BCAR1: variants seen among roughly 807,000 people sequenced by gnomAD.
BCAR1 encodes breast cancer anti-estrogen resistance protein 1.
BCAR1 carries 30 observed loss-of-function variants against 67.6 expected under a neutral mutation model. That is an observed-to-expected ratio of 0.44 (90% CI 0.33 to 0.60). BCAR1 has a LOEUF of 0.60. Among genes scored for constraint, BCAR1 ranks in the 20% least tolerant of loss-of-function variants. BCAR1 has a pLI of 0.02. For missense variants in BCAR1, 1,313 were observed against 1,222.3 expected (o/e 1.07, Z -1.11); for synonymous variants, 626 against 556.7 (o/e 1.12, Z -1.75).
upstream of BCAR1, among the ~76,000 whole-genome samples, chr16:75,252,694 C>G (rs1376455009): frequency 6.6e-6 from 1 of 152,188 alleles, no homozygotes; most frequent in African/African-American, 2.4e-5. Flanking sequence ...CGGGGTAGAC[C>G]CGGCTTCACG....
chr16:75,250,706 G>T (rs72802394), intron 1 of BCAR1: 5 of 985,238 alleles, frequency 5.1e-6, no homozygotes, highest in Non-Finnish European at 6.0e-6. Flanking sequence ...CCTCGAGAGG[G>T]AGCTCCGACC....
At chr16:75,262,445 G>A (rs1258403336) in intron 1 of BCAR1, among the ~76,000 whole-genome samples, 2 of 152,228 alleles carry the variant, frequency 1.3e-5, no homozygotes, top group Non-Finnish European at 2.9e-5. Flanking sequence ...AGCTTGAGGT[G>A]AATGGGAATG....
At chr16:75,254,932 T>G (rs760733884), upstream of BCAR1, among the ~76,000 whole-genome samples, 1 of 152,182 alleles carries the variant, frequency 6.6e-6, no homozygotes, top group African/African-American at 2.4e-5. Flanking sequence ...TTCCTGCTCT[T>G]TGGGCTTTCT....
intron 1 of BCAR1, chr16:75,263,521 G>T: frequency 1.0e-5 from 10 of 985,426 alleles, no homozygotes; most frequent in Non-Finnish European, 1.2e-5. Context: ...TCCCCTCTCT[G>T]GGTCCGGGAC....
intron 3 of BCAR1, 39 bp downstream of exon 3, chr16:75,237,144 G>A (rs2077169767): frequency 3.4e-6 from 5 of 1,491,386 alleles, no homozygotes; most frequent in Non-Finnish European, 4.5e-6. Context: ...GCACAGACTT[G>A]CCGCCCTGCC....
chr16:75,248,385 C>T, intron 1 of BCAR1: 1 of 1,231,286 alleles, frequency 8.1e-7, no homozygotes. Context: ...CTGGGGCATT[C>T]TATTTGCTTG....
intron 1 of BCAR1, chr16:75,263,272 A>G: frequency 1.0e-6 from 1 of 985,410 alleles, no homozygotes; most frequent in Non-Finnish European, 1.2e-6. Flanking sequence ...GGTGGCCAGC[A>G]CCTGCCACCC....
chr16:75,233,020 C>A (rs117627605), intron 6 of BCAR1, among the ~76,000 whole-genome samples: 4,128 of 151,640 alleles, frequency 0.027, 95 homozygotes, highest in Middle Eastern at 0.11. Context: ...CCCTGAAGAA[C>A]TGATTCAAAA....
At chr16:75,238,354 T>C (rs1258100602) in intron 2 of BCAR1, 18 of 1,104,724 alleles carry the variant, frequency 1.6e-5, no homozygotes, top group Non-Finnish European at 1.9e-5. Context: ...CTGAAAGACC[T>C]TTTGTTCCTT....
intron 2 of BCAR1, 73 bp from the exon 3 acceptor site, chr16:75,237,417 C>T: frequency 1.4e-6 from 2 of 1,393,624 alleles, no homozygotes; most frequent in South Asian, 3.4e-5. Flanking sequence ...CACCTGGGAG[C>T]CACGTCCTTT....
At chr16:75,265,935 G>A in intron 1 of BCAR1, 1 of 1,094,436 alleles carries the variant, frequency 9.1e-7, no homozygotes, top group South Asian at 4.4e-5. Flanking sequence ...GGGTCCCGGC[G>A]CTTTCCGGCT....
At chr16:75,264,752 T>A in intron 1 of BCAR1, 1 of 863,012 alleles carries the variant, frequency 1.2e-6, no homozygotes, top group Non-Finnish European at 1.5e-6. Flanking sequence ...AAGCCCCCAC[T>A]GCCTGCTTCA....
At chr16:75,267,061 A>G (rs551970202) in intron 1 of BCAR1, among the ~76,000 whole-genome samples, 1 of 152,312 alleles carries the variant, frequency 6.6e-6, no homozygotes, top group East Asian at 1.9e-4. Context: ...CCAGCTCCCA[A>G]AAGCCCCCAG....
intron 1 of BCAR1, chr16:75,263,904 G>A (rs2077954543): frequency 9.5e-7 from 1 of 1,054,954 alleles, no homozygotes. Flanking sequence ...TTCTCCTCTT[G>A]GCCCCACCAC....
intron 2 of BCAR1, among the ~76,000 whole-genome samples, chr16:75,240,491 G>C (rs1402406310): frequency 2.0e-5 from 3 of 152,226 alleles, no homozygotes; most frequent in African/African-American, 7.2e-5. Context: ...AAATGCTTTT[G>C]ATATCTAATG....
At chr16:75,245,500 G>A (rs971832996) in intron 1 of BCAR1, among the ~76,000 whole-genome samples, 15 of 152,360 alleles carry the variant, frequency 9.8e-5, no homozygotes, top group Admixed American at 9.1e-4. Flanking sequence ...GGGAGGCCGG[G>A]GGCTCTGTGG....
chr16:75,266,407 GC>G (rs919559671), intron 1 of BCAR1: 7 of 225,148 alleles, frequency 3.1e-5, no homozygotes, highest in Middle Eastern at 1.4e-3. Context: ...TCCTGGGGTC[GC>G]CCTGACAGTG....
At chr16:75,232,422 T>C (rs991578816) in intron 6 of BCAR1, among the ~76,000 whole-genome samples, 3 of 152,094 alleles carry the variant, frequency 2.0e-5, no homozygotes, top group Admixed American at 1.3e-4. Flanking sequence ...GGCCTCCCAA[T>C]GTGCTGGGAT....
At position 75,235,618 on chromosome 16, in the gene BCAR1, C is replaced by G; in HGVS notation, c.1281G>C (p.Leu427=). ...EREAPAEGKR[L]SASSTGSTRS... ...GTGTGCTGCCGGTGCTGGAGGCCGA[C>G]AGGCGCTTGCCCTCTGCCGGGGCTT... The change falls in exon 5 of 7, where the codon CTG becomes CTC. Residue 427 remains leucine, a synonymous_variant. Transcript: ENST00000162330. 1 of 1,601,094 alleles carries G rather than the reference C, an allele frequency of 6.2e-7. No homozygotes were observed. Among genetic ancestry groups the G allele is most frequent in the Non-Finnish European group, 8.5e-7 (1 of 1,172,724 alleles).
Sources: gnomAD v4.1 joint callset for allele counts (sites outside exome capture counted in the v4.1 genomes callset) on GRCh38, gnomAD v4.1.1 for gene constraint, MANE v1.5 for transcripts, NCBI Gene and HGNC (gene_info 2026-07-23, HGNC 2026-07-21) for gene names.